The following SFMBT2 variants were observed in gnomAD, a reference collection of about 807,000 sequenced individuals.
SFMBT2 encodes Scm like with four mbt domains 2.
In SFMBT2, 38 loss-of-function variants were observed where a neutral mutation model predicts 110.1. That is an observed-to-expected ratio of 0.35 (90% CI 0.27 to 0.45). SFMBT2 has a LOEUF of 0.45. Among genes scored for constraint, SFMBT2 ranks in the 20% least tolerant of loss-of-function variants. SFMBT2 has a pLI of 1.00. For missense variants in SFMBT2, 1,011 were observed against 1,094.9 expected, an observed-to-expected ratio of 0.92 and a Z score of 1.08; for synonymous variants, 425 against 425.4, an observed-to-expected ratio of 1.00 and a Z score of 0.01.
intron 7 of SFMBT2, among the ~76,000 whole-genome samples, chr10:7,255,092 C>T (rs569483021): frequency 1.1e-4 from 17 of 152,274 alleles, no homozygotes; most frequent in African/African-American, 3.4e-4. Context: ...CATTGAAAAA[C>T]AAATCTAATC....
At chr10:7,366,431 CAA>C (rs890894030) in intron 4 of SFMBT2, among the ~76,000 whole-genome samples, 10 of 63,256 alleles carry the variant, frequency 1.6e-4, no homozygotes, top group Admixed American at 3.4e-4. Context: ...TATATCATAA[CAA>C]AAAAAAAAAA....
chr10:7,216,785 A>C (rs1161743254), intron 11 of SFMBT2, among the ~76,000 whole-genome samples: 1 of 152,160 alleles, frequency 6.6e-6, no homozygotes, highest in Non-Finnish European at 1.5e-5. Flanking sequence ...CTTAAAATGC[A>C]ACTGTTGCTA....
chr10:7,159,804 TATAAA>T lies in SFMBT2; in HGVS notation c.*3961_*3965del, dbSNP rs1264375442. ...CAGAAATAAATATAAATGGGTGTTC[TATAAA>T]ATAAGTATGAAAACCCCTAGTACTT... On this transcript the variant is annotated 3_prime_UTR_variant, in exon 21 of 21. Transcript: ENST00000397167. 6.6e-6 allele frequency: 1 copy of T among 152,188 alleles called. No homozygotes were observed. The highest frequency in any genetic ancestry group is 1.5e-5 in the Non-Finnish European group (1 of 68,028). 9.4% of individuals were successfully genotyped at this position (152,188 alleles called of 1,614,324 possible).
intron 1 of SFMBT2, among the ~76,000 whole-genome samples, chr10:7,400,242 G>T (rs972024920): frequency 6.6e-6 from 1 of 152,202 alleles, no homozygotes; most frequent in Non-Finnish European, 1.5e-5. Context: ...GAGGAAGAGG[G>T]AAAGAGGATG....
intron 11 of SFMBT2, among the ~76,000 whole-genome samples, chr10:7,217,400 A>G (rs1490033271): frequency 2.0e-5 from 3 of 152,224 alleles, no homozygotes; most frequent in Non-Finnish European, 4.4e-5. Context: ...AAACCACCCA[A>G]AAGTTCTTGT....
chr10:7,365,841 G>T (rs1478840531), intron 4 of SFMBT2, among the ~76,000 whole-genome samples: 17 of 152,134 alleles, frequency 1.1e-4, no homozygotes, highest in Admixed American at 1.1e-3. Context: ...GGGAGAATGG[G>T]GAGTGACTTT....
chr10:7,200,707 C>T (rs576970085), intron 13 of SFMBT2, among the ~76,000 whole-genome samples: 25 of 152,336 alleles, frequency 1.6e-4, no homozygotes, highest in African/African-American at 3.1e-4. Context: ...AAGCCTGAGA[C>T]ACCTGCCCCT....
At chr10:7,378,044 TG>T (rs1845296266) in intron 2 of SFMBT2, among the ~76,000 whole-genome samples, 4 of 146,988 alleles carry the variant, frequency 2.7e-5, no homozygotes, top group African/African-American at 7.6e-5. Context: ...TGTGGATGGG[TG>T]GATGGATGGA....
intron 11 of SFMBT2, among the ~76,000 whole-genome samples, chr10:7,212,265 G>A (rs573305356): frequency 2.6e-5 from 4 of 152,310 alleles, no homozygotes; most frequent in South Asian, 4.1e-4. Context: ...CCCCAAATTC[G>A]GTTGGCCAAA....
intron 6 of SFMBT2, among the ~76,000 whole-genome samples, chr10:7,280,584 G>A (rs779325755): frequency 7.9e-5 from 12 of 152,122 alleles, no homozygotes; most frequent in Admixed American, 7.2e-4. Context: ...CCTCAATGAC[G>A]TACTTACATT....
At chr10:7,187,637 G>A (rs921697520) in intron 16 of SFMBT2, among the ~76,000 whole-genome samples, 1 of 152,178 alleles carries the variant, frequency 6.6e-6, no homozygotes, top group Non-Finnish European at 1.5e-5. Flanking sequence ...GTGGATTGCT[G>A]GCAATGAATG....
At chr10:7,190,645 C>T (rs878858315) in intron 15 of SFMBT2, among the ~76,000 whole-genome samples, 2 of 152,208 alleles carry the variant, frequency 1.3e-5, no homozygotes, top group East Asian at 3.8e-4. Flanking sequence ...ATGAAAATAA[C>T]TAAGTGGACA....
chr10:7,176,245 G>A, intron 16 of SFMBT2, 80 bp from the exon 17 acceptor site: 1 of 1,400,862 alleles, frequency 7.1e-7, no homozygotes, highest in Non-Finnish European at 9.9e-7. Flanking sequence ...CATTCCGAAG[G>A]CAGCAACTTC....
At chr10:7,281,477 AGTATTT>A (rs1841947606) in intron 6 of SFMBT2, among the ~76,000 whole-genome samples, 1 of 152,198 alleles carries the variant, frequency 6.6e-6, no homozygotes, top group Admixed American at 6.5e-5. Flanking sequence ...AAATCGGCCT[AGTATTT>A]TCTATGCAGG....
chr10:7,351,620 C>T (rs1295229736), intron 4 of SFMBT2, among the ~76,000 whole-genome samples: 2 of 152,256 alleles, frequency 1.3e-5, no homozygotes, highest in East Asian at 3.9e-4. Context: ...AAGCAAATGG[C>T]TGAGATCAGT....
rs918413388 is a variant in SFMBT2 at position 7,160,791 on chromosome 10, C to T, written c.*2979G>A. 1.3e-5 allele frequency: 2 copies of T among 152,242 alleles called. No homozygotes were observed. Among genetic ancestry groups the T allele is most frequent in the African/African-American group, 2.4e-5 (1 of 41,450 alleles). 9.4% of individuals were successfully genotyped at this position (152,242 alleles called of 1,614,324 possible). On this transcript the variant is annotated 3_prime_UTR_variant, in exon 21 of 21. Coordinates refer to ENST00000397167, the MANE Select transcript of SFMBT2 (RefSeq NM_001387889.1). ...CCTACAGAGAAATGAAAACACATTA[C>T]AATTCTGTACCAGAACTGCTGCTGA...
intron 4 of SFMBT2, among the ~76,000 whole-genome samples, chr10:7,289,435 A>C (rs1313009879): frequency 6.6e-6 from 1 of 152,212 alleles, no homozygotes; most frequent in Non-Finnish European, 1.5e-5. Context: ...GGTCAAAGTC[A>C]TAGCAAGGGA....
At chr10:7,368,905 T>C (rs567862831) in intron 3 of SFMBT2, among the ~76,000 whole-genome samples, 50 of 152,330 alleles carry the variant, frequency 3.3e-4, no homozygotes, top group African/African-American at 7.9e-4. Flanking sequence ...CTAGTAAATA[T>C]AGCATGATGA....
intron 4 of SFMBT2, among the ~76,000 whole-genome samples, chr10:7,303,803 T>C (rs1842621148): frequency 6.6e-6 from 1 of 152,244 alleles, no homozygotes; most frequent in African/African-American, 2.4e-5. Flanking sequence ...TAGAATGATT[T>C]TGTAAGCAGG....
Sources: allele counts gnomAD v4.1 joint callset (sites outside exome capture counted in the v4.1 genomes callset), GRCh38; gene constraint gnomAD v4.1.1; transcripts MANE v1.5; gene names NCBI Gene and HGNC (gene_info 2026-07-23, HGNC 2026-07-21).